Variants in ZRANB3 observed in about 807,000 individuals in gnomAD.
ZRANB3 encodes DNA annealing helicase and endonuclease ZRANB3.
Under a neutral mutation model 133.8 loss-of-function variants are expected in ZRANB3, and 125 were observed. The observed-to-expected ratio is 0.93, with a 90% CI of 0.81 to 1.08. ZRANB3 has a LOEUF of 1.08. Among genes scored for constraint, ZRANB3 ranks in the 50% least tolerant of loss-of-function variants. The pLI is 0.00. For synonymous variants in ZRANB3, 387 were observed against 432.7 expected, an observed-to-expected ratio of 0.89 and a Z score of 1.31; for missense variants, 1,229 against 1,275.5, an observed-to-expected ratio of 0.96 and a Z score of 0.56.
chr2:135,382,304 A>G (rs1214404490), intron 3 of ZRANB3, among the ~76,000 whole-genome samples: 1 of 152,220 alleles, frequency 6.6e-6, no homozygotes, highest in Non-Finnish European at 1.5e-5. Flanking sequence ...AAAAGAATAA[A>G]AAGAAACGAA....
At chr2:135,254,895 C>A (rs1679578263) in intron 12 of ZRANB3, among the ~76,000 whole-genome samples, 1 of 151,942 alleles carries the variant, frequency 6.6e-6, no homozygotes, top group Non-Finnish European at 1.5e-5. Flanking sequence ...GGACTACAGG[C>A]ACACACCGCC....
chr2:135,399,004 C>A (rs1015934221), intron 2 of ZRANB3, among the ~76,000 whole-genome samples: 1 of 152,164 alleles, frequency 6.6e-6, no homozygotes, highest in Non-Finnish European at 1.5e-5. Flanking sequence ...TGTTTCACAT[C>A]CATAGTGTGA....
chr2:135,484,264 GAAC>G (rs1691988295), intron 2 of ZRANB3, among the ~76,000 whole-genome samples: 1 of 152,048 alleles, frequency 6.6e-6, no homozygotes, highest in Non-Finnish European at 1.5e-5. Flanking sequence ...CTTTATGTCA[GAAC>G]AATAGCCATA....
intron 2 of ZRANB3, among the ~76,000 whole-genome samples, chr2:135,429,148 C>A (rs933059374): frequency 1.3e-5 from 2 of 152,134 alleles, no homozygotes; most frequent in Non-Finnish European, 2.9e-5. Flanking sequence ...TGCCCATCAA[C>A]AACAGACTGG....
intron 8 of ZRANB3, among the ~76,000 whole-genome samples, chr2:135,294,537 A>C (rs1025409742): frequency 2.6e-5 from 4 of 152,020 alleles, no homozygotes; most frequent in African/African-American, 9.7e-5. Flanking sequence ...TGATATTTTC[A>C]AAAAACCAGC....
intron 2 of ZRANB3, among the ~76,000 whole-genome samples, chr2:135,420,088 GATTTATAT>G (rs1171472134): frequency 1.2e-5 from 1 of 83,848 alleles, no homozygotes; most frequent in African/African-American, 5.6e-5. Context: ...ATATATCTTA[GATTTATAT>G]ATATATATAT....
At chr2:135,406,006 C>G (rs1019643533) in intron 2 of ZRANB3, among the ~76,000 whole-genome samples, 4 of 151,854 alleles carry the variant, frequency 2.6e-5, no homozygotes, top group African/African-American at 9.7e-5. Context: ...CACAAAAAAC[C>G]CTTCAAAAAA....
At chr2:135,454,542 T>C (rs1327333799) in intron 2 of ZRANB3, among the ~76,000 whole-genome samples, 2 of 152,148 alleles carry the variant, frequency 1.3e-5, no homozygotes, top group South Asian at 4.1e-4. Flanking sequence ...TACACCCAAA[T>C]AGTGTACACT....
rs567762256 is a variant in ZRANB3, at chr2:135,366,784, C to T, written c.181-13156G>A. Among the ~76,000 whole-genome samples the T allele has an allele frequency of 1.0e-3, 157 of 151,920 alleles. 1 individual carries two copies. The highest frequency in any genetic ancestry group is 3.5e-3 in the African/African-American group (146 of 41,466). On this transcript the variant is annotated intron_variant, in intron 3 of 20. Coordinates refer to ENST00000264159, the MANE Select transcript of ZRANB3 (RefSeq NM_032143.4). ...CTGTAATCCCAGCACTTTGGGAGAC[C>T]GAGGTGGGTGGATCACGAGGTCAGG...
intron 12 of ZRANB3, among the ~76,000 whole-genome samples, chr2:135,238,398 T>TC (rs1425025822): frequency 6.6e-6 from 1 of 151,672 alleles, no homozygotes; most frequent in Non-Finnish European, 1.5e-5. Flanking sequence ...TGTGACTTTT[T>TC]TTTTTTTTTT....
At chr2:135,449,985 T>C (rs913311715) in intron 2 of ZRANB3, among the ~76,000 whole-genome samples, 1 of 152,170 alleles carries the variant, frequency 6.6e-6, no homozygotes, top group African/African-American at 2.4e-5. Flanking sequence ...CTCAAACTCC[T>C]GGGCTCTCAG....
intron 12 of ZRANB3, among the ~76,000 whole-genome samples, chr2:135,252,821 C>G (rs72982321): frequency 0.044 from 6,747 of 152,234 alleles, 502 homozygotes; most frequent in African/African-American, 0.16. Context: ...TCCTTATCTA[C>G]CTGCATGCTG....
At chr2:135,343,010 CA>C (rs11435525) in intron 6 of ZRANB3, among the ~76,000 whole-genome samples, 3,974 of 55,358 alleles carry the variant, frequency 0.072, 64 homozygotes, top group African/African-American at 0.22. Context: ...ACTAAAAATC[CA>C]AAAAAAAAAA....
At chr2:135,414,727 A>G (rs1688475139) in intron 2 of ZRANB3, among the ~76,000 whole-genome samples, 1 of 152,152 alleles carries the variant, frequency 6.6e-6, no homozygotes, top group Non-Finnish European at 1.5e-5. Flanking sequence ...CAGCAAATGT[A>G]AAAGAACAGA....
chr2:135,315,574 A>G, intron 6 of ZRANB3, 44 bp from the exon 7 acceptor site: 2 of 1,314,900 alleles, frequency 1.5e-6, no homozygotes, highest in Non-Finnish European at 2.0e-6. Context: ...TGAATGCTGG[A>G]GTTAAGAAAA....
chr2:135,520,008 TTC>T (rs1267396497), intron 1 of ZRANB3, among the ~76,000 whole-genome samples: 9 of 152,096 alleles, frequency 5.9e-5, no homozygotes, highest in Non-Finnish European at 1.2e-4. Flanking sequence ...CAGTAAGGAA[TTC>T]TCTGTCTTCA....
At chr2:135,316,624 G>C (rs1683264673) in intron 6 of ZRANB3, among the ~76,000 whole-genome samples, 2 of 152,108 alleles carry the variant, frequency 1.3e-5, no homozygotes, top group Admixed American at 1.3e-4. Flanking sequence ...GTTAACATTA[G>C]CTTTTTAAAA....
chr2:135,204,676 T>TAA (rs1028230001), intron 19 of ZRANB3, among the ~76,000 whole-genome samples: 1 of 144,656 alleles, frequency 6.9e-6, no homozygotes, highest in African/African-American at 2.5e-5. Flanking sequence ...TATATATATA[T>TAA]AAAATATAAA....
intron 12 of ZRANB3, among the ~76,000 whole-genome samples, chr2:135,241,183 TTAG>T (rs1423594827): frequency 1.3e-5 from 2 of 152,106 alleles, no homozygotes; most frequent in African/African-American, 4.8e-5. Context: ...GGCATTCCTA[TTAG>T]TAGAATGTTA....
Sources: allele counts gnomAD v4.1 joint callset (sites outside exome capture counted in the v4.1 genomes callset), GRCh38; gene constraint gnomAD v4.1.1; transcripts MANE v1.5; gene names NCBI Gene and HGNC (gene_info 2026-07-23, HGNC 2026-07-21).